Variants in SNX29 observed in about 807,000 individuals in gnomAD.
SNX29 encodes the protein sorting nexin-29.
A neutral mutation model predicts 102.1 loss-of-function variants in SNX29; 78 were observed. The ratio of observed to expected loss-of-function variants is 0.76; its 90% CI spans 0.64 to 0.92. The LOEUF (loss-of-function observed/expected upper bound fraction) is 0.92. Ranked by LOEUF, SNX29 falls within the 40% of genes least tolerant of loss-of-function variation. The probability of loss-of-function intolerance (pLI) is 0.00; values close to 1 mark genes in which losing one functional copy is unlikely to be tolerated. For missense variants in SNX29, 1,280 were observed against 1,061.7 expected (o/e 1.21, Z -2.86); for synonymous variants, 580 against 414.5 (o/e 1.40, Z -4.85).
At chr16:12,377,297 A>T (rs1455551151) in intron 16 of SNX29, among the ~76,000 whole-genome samples, 1 of 152,106 alleles carries the variant, frequency 6.6e-6, no homozygotes, top group Non-Finnish European at 1.5e-5. Context: ...TGTCTCTTTC[A>T]TGTCACTTGT....
At chr16:12,115,881 A>G (rs2053678577) in intron 11 of SNX29, among the ~76,000 whole-genome samples, 1 of 152,190 alleles carries the variant, frequency 6.6e-6, no homozygotes, top group South Asian at 2.1e-4. Flanking sequence ...TAAGCCCTCC[A>G]CTGCACCCCG....
intron 10 of SNX29, among the ~76,000 whole-genome samples, chr16:12,077,562 T>C (rs1373253238): frequency 6.6e-6 from 1 of 152,210 alleles, no homozygotes; most frequent in South Asian, 2.1e-4. Flanking sequence ...AAAGTTGCTA[T>C]GAAGACTGAA....
At chr16:12,366,977 G>C (rs1369107824) in intron 16 of SNX29, 1 of 151,944 alleles carries the variant, frequency 6.6e-6, no homozygotes, top group East Asian at 1.9e-4. Flanking sequence ...TTACATTGCT[G>C]TATGTTACCA....
intron 3 of SNX29, among the ~76,000 whole-genome samples, chr16:12,009,447 GTGTGTGTATATA>G (rs1317252279): frequency 7.1e-6 from 1 of 141,176 alleles, no homozygotes; most frequent in Non-Finnish European, 1.5e-5. Context: ...TTTTATATGT[GTGTGTGTATATA>G]TGTGTGTGTG....
At chr16:11,996,302 T>C (rs2056071514) in intron 1 of SNX29, among the ~76,000 whole-genome samples, 1 of 152,200 alleles carries the variant, frequency 6.6e-6, no homozygotes, top group Non-Finnish European at 1.5e-5. Flanking sequence ...GAGAGTCGAT[T>C]GAACCCAGGA....
intron 15 of SNX29, among the ~76,000 whole-genome samples, chr16:12,280,451 C>T (rs2079395952): frequency 6.6e-6 from 1 of 152,186 alleles, no homozygotes; most frequent in Admixed American, 6.5e-5. Context: ...AGTGTGGAAC[C>T]ACCAAACGGG....
chr16:12,219,893 G>A (rs1310463524), intron 14 of SNX29, among the ~76,000 whole-genome samples: 1 of 152,114 alleles, frequency 6.6e-6, no homozygotes, highest in Non-Finnish European at 1.5e-5. Context: ...ATTGATCCGG[G>A]TACCCCTCAC....
intron 14 of SNX29, among the ~76,000 whole-genome samples, chr16:12,234,757 T>A (rs938980291): frequency 6.6e-6 from 1 of 152,224 alleles, no homozygotes; most frequent in Non-Finnish European, 1.5e-5. Flanking sequence ...CTCTCTGGAC[T>A]TAGCACTGCA....
chr16:12,139,979 T>TGAAA lies in SNX29; in HGVS notation c.1595+10221_1595+10222insGAAA, dbSNP rs144110763. ...CTGGGAGACAGAGAGATACCCTGTC[T>TGAAA]CAAAAAAAAAAAAAAAAAAAAAAAA... On this transcript the variant is annotated intron_variant, in intron 13 of 20. Coordinates refer to ENST00000566228, the MANE Select transcript of SNX29 (RefSeq NM_032167.5). 8.7e-4 allele frequency among the ~76,000 whole-genome samples: 55 copies of TGAAA among 63,048 alleles called. 7 individuals are homozygous for TGAAA. The highest frequency in any genetic ancestry group is 2.5e-3 in the Admixed American group (14 of 5,508). The allele number at this position is 63,048 out of a possible 152,430, so 41.4% of individuals were successfully genotyped here.
intron 16 of SNX29, among the ~76,000 whole-genome samples, chr16:12,386,644 A>C (rs2083351506): frequency 6.6e-6 from 1 of 152,228 alleles, no homozygotes; most frequent in South Asian, 2.1e-4. Context: ...AAAATAATAA[A>C]AAATAAACCT....
intron 14 of SNX29, among the ~76,000 whole-genome samples, chr16:12,223,258 G>A (rs192134045): frequency 5.6e-4 from 86 of 152,276 alleles, no homozygotes; most frequent in African/African-American, 2.1e-3. Flanking sequence ...GGGCATAGTG[G>A]CTCACACCTG....
At chr16:12,381,012 C>T (rs1365104688) in intron 16 of SNX29, among the ~76,000 whole-genome samples, 1 of 111,360 alleles carries the variant, frequency 9.0e-6, no homozygotes, top group Non-Finnish European at 1.9e-5. Flanking sequence ...ATCCATCCAC[C>T]CACCCACCAT....
In SNX29 at chr16:12,572,484, G is replaced by C. The variant is rs943278733; in HGVS notation, c.*3855G>C. On this transcript the variant is annotated 3_prime_UTR_variant, in exon 21 of 21. Coordinates refer to ENST00000566228, the MANE Select transcript of SNX29 (RefSeq NM_032167.5). ...TTGCCAACCCTGAGGACCAGTTCTT[G>C]GGGTTCCAGGCCTCGGCCTTCCTGC... 7.5e-6 allele frequency: 8 copies of C among 1,063,938 alleles called. No homozygotes were observed. In the African/African-American group the frequency reaches 9.8e-5, roughly 13 times the overall value. 65.9% of individuals were successfully genotyped at this position (1,063,938 alleles called of 1,614,324 possible).
chr16:12,544,620 G>A (rs1217611452), intron 20 of SNX29, among the ~76,000 whole-genome samples: 3 of 152,194 alleles, frequency 2.0e-5, no homozygotes, highest in African/African-American at 4.8e-5. Context: ...TCTGCGTCAT[G>A]CCTTGGGATC....
chr16:12,185,528 T>A (rs751768202), intron 13 of SNX29, among the ~76,000 whole-genome samples: 1 of 152,220 alleles, frequency 6.6e-6, no homozygotes, highest in Non-Finnish European at 1.5e-5. Flanking sequence ...GGTGTGGTTC[T>A]CCTGTTGGAT....
chr16:12,561,247 C>A (rs1470367389), intron 20 of SNX29: 2 of 230,204 alleles, frequency 8.7e-6, no homozygotes, highest in Admixed American at 5.7e-5. Context: ...AGGCCACTCC[C>A]TCCCACTCCA....
Position 12,256,623 on chromosome 16 carries a change from G to A in SNX29, c.1679-21310G>A, listed in dbSNP as rs117933577. On this transcript the variant is annotated intron_variant, in intron 14 of 20. Transcript: ENST00000566228. ...ATTACAGGTGTGAGCCACTGCGCCC[G>A]GCCTCCTGAGAATTTTTTTTGAAGA... is the stretch of plus-strand genomic sequence containing the variant. Among the ~76,000 whole-genome samples, 117 of 152,242 alleles carry A rather than the reference G, an allele frequency of 7.7e-4. No individual in the cohort carries two copies. The East Asian group carries it at 0.022, about 28-fold the overall frequency.
intron 18 of SNX29, among the ~76,000 whole-genome samples, chr16:12,422,073 G>C (rs933121479): frequency 6.6e-6 from 1 of 152,112 alleles, no homozygotes; most frequent in Non-Finnish European, 1.5e-5. Flanking sequence ...ATCAAACATT[G>C]TCATCAACAG....
rs1177283982 is a variant in SNX29, at chr16:12,573,100, A to G, written c.*4471A>G. 1 of 224,662 alleles carries G rather than the reference A, an allele frequency of 4.5e-6. No individual in the cohort carries two copies. Among genetic ancestry groups the G allele is most frequent in the Non-Finnish European group, 8.8e-6 (1 of 113,224 alleles). 13.9% of individuals were successfully genotyped at this position (224,662 alleles called of 1,614,324 possible). On this transcript the variant is annotated 3_prime_UTR_variant, in exon 21 of 21. Transcript: ENST00000566228. Reference sequence around the variant, plus strand: ...TTCTGTGCCAAGAAAGTTCATCTTTATGTTTTTCTAATACACAATCTTGAT... The same window carrying G: ...TTCTGTGCCAAGAAAGTTCATCTTTGTGTTTTTCTAATACACAATCTTGAT...
Sources: gnomAD v4.1 joint callset for allele counts (sites outside exome capture counted in the v4.1 genomes callset) on GRCh38, gnomAD v4.1.1 for gene constraint, MANE v1.5 for transcripts, NCBI Gene and HGNC (gene_info 2026-07-23, HGNC 2026-07-21) for gene names.